PCDH15: variants seen among roughly 807,000 people sequenced by gnomAD.
PCDH15 encodes protocadherin related 15, also known as protocadherin-15.
Under a neutral mutation model 178.5 loss-of-function variants are expected in PCDH15, and 129 were observed. The observed-to-expected ratio is 0.72, with a 90% CI of 0.63 to 0.84. PCDH15 has a LOEUF of 0.84. Among genes scored for constraint, PCDH15 ranks in the 40% least tolerant of loss-of-function variants. The pLI is 0.00. For synonymous variants in PCDH15, 800 were observed against 732.0 expected (o/e 1.09, Z -1.50); for missense variants, 2,230 against 2,099.9 (o/e 1.06, Z -1.21).
At chr10:55,088,273 TG>T (rs1417103453) in intron 2 of PCDH15, among the ~76,000 whole-genome samples, 7 of 151,516 alleles carry the variant, frequency 4.6e-5, no homozygotes, top group Admixed American at 4.6e-4. Context: ...TATGGAAGCA[TG>T]TTTTTTTTTT....
intron 3 of PCDH15, among the ~76,000 whole-genome samples, chr10:54,877,936 C>CTTTTTTTTTTTTTTTTT (rs1954176789): frequency 9.6e-6 from 1 of 104,352 alleles, no homozygotes; most frequent in Non-Finnish European, 2.0e-5. Flanking sequence ...CTCTCTCTCT[C>CTTTTTTTTTTTTTTTTT]TCTTTTTTTT....
intron 13 of PCDH15, 130 bp from the exon 14 acceptor site, chr10:54,153,423 T>A: frequency 2.4e-6 from 2 of 844,638 alleles, no homozygotes; most frequent in South Asian, 3.3e-5. Context: ...ACATATATAC[T>A]GTTTTTTGTT....
chr10:54,848,673 A>G (rs1055365418), intron 3 of PCDH15, among the ~76,000 whole-genome samples: 1 of 152,208 alleles, frequency 6.6e-6, no homozygotes, highest in Non-Finnish European at 1.5e-5. Flanking sequence ...ATGCAATAGA[A>G]AACAGACTAG....
At chr10:55,423,380 A>T (rs1838672012) in intron 2 of PCDH15, among the ~76,000 whole-genome samples, 1 of 152,020 alleles carries the variant, frequency 6.6e-6, no homozygotes, top group African/African-American at 2.4e-5. Flanking sequence ...ACACATTAAT[A>T]AAACGATAAG....
intron 26 of PCDH15, among the ~76,000 whole-genome samples, chr10:53,869,758 A>C (rs938177335): frequency 6.6e-6 from 1 of 151,872 alleles, no homozygotes; most frequent in African/African-American, 2.4e-5. Context: ...CCTGCACAAT[A>C]TAGTGAAACT....
chr10:53,928,547 T>C (rs1414813132), intron 25 of PCDH15, among the ~76,000 whole-genome samples: 2 of 152,096 alleles, frequency 1.3e-5, no homozygotes, highest in Non-Finnish European at 2.9e-5. Context: ...AACTACATTT[T>C]ATGCTTATGT....
chr10:54,832,752 TG>T (rs1953246027), intron 3 of PCDH15, among the ~76,000 whole-genome samples: 1 of 152,178 alleles, frequency 6.6e-6, no homozygotes, highest in African/African-American at 2.4e-5. Flanking sequence ...GGATAATTAG[TG>T]CAATATGACA....
chr10:54,346,995 G>T (rs561106801), intron 5 of PCDH15, among the ~76,000 whole-genome samples: 6 of 152,296 alleles, frequency 3.9e-5, no homozygotes, highest in Non-Finnish European at 8.8e-5. Flanking sequence ...AGTTTCTTGA[G>T]TCCTTCTGAT....
At chr10:54,772,786 A>C (rs1372562738) in intron 1 of PCDH15, among the ~76,000 whole-genome samples, 1 of 152,166 alleles carries the variant, frequency 6.6e-6, no homozygotes, top group Non-Finnish European at 1.5e-5. Context: ...AAGGAATATA[A>C]ATCATTCTAC....
intron 8 of PCDH15, among the ~76,000 whole-genome samples, chr10:54,269,726 T>C (rs2057927800): frequency 6.6e-6 from 1 of 152,126 alleles, no homozygotes; most frequent in African/African-American, 2.4e-5. Flanking sequence ...ACAGAAGCAT[T>C]CTACTGCAAT....
At chr10:55,387,911 A>C (rs973011945) in intron 2 of PCDH15, among the ~76,000 whole-genome samples, 5 of 151,854 alleles carry the variant, frequency 3.3e-5, no homozygotes, top group Non-Finnish European at 7.4e-5. Context: ...CTATGTTTGG[A>C]TCATTAAATT....
chr10:55,624,418 T>A (rs1402307741), intron 2 of PCDH15, among the ~76,000 whole-genome samples: 1 of 151,968 alleles, frequency 6.6e-6, no homozygotes, highest in Non-Finnish European at 1.5e-5. Flanking sequence ...TTTCGACATG[T>A]AGATAGTTTA....
intron 6 of PCDH15, among the ~76,000 whole-genome samples, chr10:54,336,301 A>G (rs1391623014): frequency 6.6e-6 from 1 of 152,192 alleles, no homozygotes; most frequent in Non-Finnish European, 1.5e-5. Context: ...AAATTTGCAT[A>G]AGTAATGAGG....
At chr10:55,312,627 T>A (rs1843615277) in intron 1 of PCDH15, among the ~76,000 whole-genome samples, 1 of 152,134 alleles carries the variant, frequency 6.6e-6, no homozygotes, top group African/African-American at 2.4e-5. Flanking sequence ...TAGAGTTTTT[T>A]TTTTTTTTAG....
intron 1 of PCDH15, among the ~76,000 whole-genome samples, chr10:54,690,024 T>G (rs1183312072): frequency 6.6e-6 from 1 of 152,166 alleles, no homozygotes; most frequent in East Asian, 1.9e-4. Flanking sequence ...ATCAAGAAAT[T>G]GTATAGTCAT....
At chr10:53,810,121 AT>A (rs1178964359) in intron 37 of PCDH15, among the ~76,000 whole-genome samples, 2 of 152,186 alleles carry the variant, frequency 1.3e-5, no homozygotes, top group Non-Finnish European at 2.9e-5. Flanking sequence ...AAATTACATT[AT>A]TCCTTGAAAA....
chr10:54,400,271 A>T (rs1189594038), intron 3 of PCDH15, among the ~76,000 whole-genome samples: 1 of 152,172 alleles, frequency 6.6e-6, no homozygotes, highest in Non-Finnish European at 1.5e-5. Context: ...AATTGAACAT[A>T]AAATGGACTA....
At chr10:55,495,178 A>G (rs1461672368) in intron 2 of PCDH15, among the ~76,000 whole-genome samples, 1 of 151,780 alleles carries the variant, frequency 6.6e-6, no homozygotes, top group Non-Finnish European at 1.5e-5. Flanking sequence ...GTATGTCTTC[A>G]TGGCCTTGGA....
intron 2 of PCDH15, among the ~76,000 whole-genome samples, chr10:55,445,953 T>A (rs1056764586): frequency 6.6e-6 from 1 of 152,028 alleles, no homozygotes; most frequent in African/African-American, 2.4e-5. Context: ...GAGTGGTAAG[T>A]GGGGACATAC....
Sources: allele counts gnomAD v4.1 joint callset (sites outside exome capture counted in the v4.1 genomes callset), GRCh38; gene constraint gnomAD v4.1.1; transcripts MANE v1.5; gene names NCBI Gene and HGNC (gene_info 2026-07-23, HGNC 2026-07-21).